Variants in SLC25A48 observed in about 807,000 individuals in gnomAD.
SLC25A48 encodes CTC-321K16.1.
In SLC25A48, 29 loss-of-function variants were observed where a neutral mutation model predicts 32.2. The observed-to-expected ratio is 0.90, with a 90% CI of 0.67 to 1.23. The LOEUF (loss-of-function observed/expected upper bound fraction) is 1.23, where lower values mean the gene tolerates loss of function less well. Among genes scored for constraint, SLC25A48 ranks in the 50% most tolerant of loss-of-function variants. The probability of loss-of-function intolerance (pLI) is 0.00; values close to 1 mark genes in which losing one functional copy is unlikely to be tolerated. For missense variants in SLC25A48, 399 were observed against 422.7 expected (o/e 0.94, Z 0.49); for synonymous variants, 164 against 172.3 (o/e 0.95, Z 0.38).
intron 4 of SLC25A48, among the ~76,000 whole-genome samples, chr5:135,869,809 C>T (rs1761494985): frequency 6.6e-6 from 1 of 152,180 alleles, no homozygotes; most frequent in African/African-American, 2.4e-5. Flanking sequence ...AAGGTGGCTA[C>T]TACCCCGGCT....
intron 4 of SLC25A48, among the ~76,000 whole-genome samples, chr5:135,854,041 A>C (rs1346952169): frequency 6.6e-6 from 1 of 152,198 alleles, no homozygotes. Context: ...ATGAGCAGTA[A>C]TATTTTGAAA....
chr5:135,866,458 C>A (rs555972048), intron 4 of SLC25A48, among the ~76,000 whole-genome samples: 37 of 152,324 alleles, frequency 2.4e-4, no homozygotes, highest in Admixed American at 1.1e-3. Flanking sequence ...TCCCTGGGTT[C>A]TGGAAAAGGG....
intron 3 of SLC25A48, among the ~76,000 whole-genome samples, chr5:135,677,529 T>G (rs1043029174): frequency 2.0e-5 from 3 of 152,138 alleles, no homozygotes; most frequent in African/African-American, 4.8e-5. Context: ...TTTCTCTTAT[T>G]GATTATCTTT....
intron 3 of SLC25A48, among the ~76,000 whole-genome samples, chr5:135,760,615 A>G (rs1307744599): frequency 6.6e-6 from 1 of 152,130 alleles, no homozygotes. Context: ...TGCTGGAGTG[A>G]TCTGGGAAGT....
rs372888765 is a variant in SLC25A48 at position 135,731,648 on chromosome 5, A to T, written c.-520-80875A>T. Among the ~76,000 whole-genome samples, 497 of 152,312 alleles carry T rather than the reference A, an allele frequency of 3.3e-3. 6 individuals are homozygous for T. Among genetic ancestry groups the T allele is most frequent in the African/African-American group, 0.011 (468 of 41,566 alleles). ...GGTGATGGCCTGGATGCTGTTTTGT[A>T]TGAATTGAGAGACTAAATGGAAGAC... On this transcript the variant is annotated intron_variant, in intron 3 of 10. Coordinates refer to the SLC25A48 transcript ENST00000646290.
intron 3 of SLC25A48, among the ~76,000 whole-genome samples, chr5:135,782,019 C>A (rs1756726693): frequency 9.3e-6 from 1 of 107,480 alleles, no homozygotes; most frequent in South Asian, 3.5e-4. Flanking sequence ...GAAGAGGATG[C>A]TTTTATTCCC....
At chr5:135,818,053 TCCTC>T (rs1561507282) in intron 4 of SLC25A48, among the ~76,000 whole-genome samples, 24 of 46,582 alleles carry the variant, frequency 5.2e-4, no homozygotes, top group African/African-American at 2.1e-3. Context: ...TTCTCTCTGT[TCCTC>T]TCTCTCTCTC....
chr5:135,770,880 C>T (rs1278808122), intron 3 of SLC25A48, among the ~76,000 whole-genome samples: 1 of 151,776 alleles, frequency 6.6e-6, no homozygotes, highest in Admixed American at 6.6e-5. Flanking sequence ...GGGGTTTACA[C>T]CCCCTCTCTG....
At chr5:135,630,588 CTTTTTTTTTT>C (rs869088370) in intron 2 of SLC25A48, among the ~76,000 whole-genome samples, 1,197 of 58,906 alleles carry the variant, frequency 0.02, 20 homozygotes, top group African/African-American at 0.068. Context: ...GGCTGGGCAC[CTTTTTTTTTT>C]TTTTTTTTTT....
At chr5:135,754,623 AT>A (rs1324079522) in intron 3 of SLC25A48, among the ~76,000 whole-genome samples, 1 of 151,936 alleles carries the variant, frequency 6.6e-6, no homozygotes, top group African/African-American at 2.4e-5. Flanking sequence ...TGTGATTTCA[AT>A]GAAATATCAC....
chr5:135,658,245 C>A (rs1040286807), intron 3 of SLC25A48, among the ~76,000 whole-genome samples: 1 of 152,192 alleles, frequency 6.6e-6, no homozygotes, highest in Non-Finnish European at 1.5e-5. Flanking sequence ...TGCTCCCATT[C>A]CAAAAGGGAG....
intron 3 of SLC25A48, among the ~76,000 whole-genome samples, chr5:135,746,962 C>T (rs1441747550): frequency 6.6e-6 from 1 of 151,060 alleles, no homozygotes; most frequent in African/African-American, 2.4e-5. Flanking sequence ...CTCACTCTTG[C>T]CCCGTCATTA....
chr5:135,739,530 G>T (rs1465183491), intron 3 of SLC25A48, among the ~76,000 whole-genome samples: 1 of 152,180 alleles, frequency 6.6e-6, no homozygotes, highest in African/African-American at 2.4e-5. Flanking sequence ...ACAGACACCT[G>T]CCTGCCTCAA....
chr5:135,745,846 T>C (rs1202401019), intron 3 of SLC25A48, among the ~76,000 whole-genome samples: 1 of 151,982 alleles, frequency 6.6e-6, no homozygotes, highest in East Asian at 1.9e-4. Context: ...GGAAGAAAAT[T>C]ATGTCAAGAA....
chr5:135,788,576 G>A (rs1281898073), intron 3 of SLC25A48, among the ~76,000 whole-genome samples: 1 of 151,200 alleles, frequency 6.6e-6, no homozygotes, highest in Non-Finnish European at 1.5e-5. Flanking sequence ...CCTGTGGAGG[G>A]TGGTGTACAC....
intron 3 of SLC25A48, among the ~76,000 whole-genome samples, chr5:135,675,008 G>T (rs960307818): frequency 1.3e-5 from 2 of 151,502 alleles, no homozygotes; most frequent in African/African-American, 2.4e-5. Context: ...CTGCATCCTC[G>T]CCAGCATCTG....
chr5:135,644,351 G>A lies in SLC25A48; in HGVS notation c.-521+9395G>A, dbSNP rs774742571. ...AAAATTCTGGAGTCTGACTTTTACC[G>A]TCTGACACAGACGGTAAAAGCCATG... is the stretch of plus-strand genomic sequence containing the variant. On this transcript the variant is annotated intron_variant, in intron 3 of 10. Transcript: ENST00000646290. 4.6e-5 allele frequency among the ~76,000 whole-genome samples: 7 copies of A among 152,198 alleles called. No homozygotes were observed. The East Asian group carries it at 5.8e-4, about 13-fold the overall frequency.
chr5:135,886,634 T>TATATATATATATATAA (rs1554088453), intron 7 of SLC25A48, among the ~76,000 whole-genome samples: 4 of 29,158 alleles, frequency 1.4e-4, no homozygotes, highest in African/African-American at 2.0e-4. Context: ...TATATATATA[T>TATATATATATATATAA]ATAAAATATA....
Position 135,850,450 on chromosome 5 carries a change from A to T in SLC25A48, c.116A>T (p.Tyr39Phe). ...VKTRLQAGVG[Y>F]GNTLSCIRVV... ...ACTCGCCTGCAGGCTGGCGTTGGCT[A>T]CGGAAACACCCTCAGCTGCATCCGC... The change falls in exon 3 of 8, where the codon TAC (tyrosine) becomes TTC (phenylalanine). Residue 39 changes from tyrosine (Y) to phenylalanine (F), a missense_variant. Physicochemically the swap from Tyr to Phe is conservative, Grantham distance 22. Coordinates refer to ENST00000681962, the MANE Select transcript of SLC25A48 (RefSeq NM_001349336.2). The T allele has an allele frequency of 6.2e-7, 1 of 1,614,144 alleles. No individual in the cohort carries two copies. The highest frequency in any genetic ancestry group is 8.5e-7 in the Non-Finnish European group (1 of 1,180,016).
Sources: gnomAD v4.1 joint callset for allele counts (sites outside exome capture counted in the v4.1 genomes callset) on GRCh38, gnomAD v4.1.1 for gene constraint, MANE v1.5 for transcripts, NCBI Gene and HGNC (gene_info 2026-07-23, HGNC 2026-07-21) for gene names.